NR2C1: variants seen among roughly 807,000 people sequenced by gnomAD.
NR2C1 encodes TR2 nuclear hormone receptor.
NR2C1 carries 33 observed loss-of-function variants against 74.8 expected under a neutral mutation model. That is an observed-to-expected ratio of 0.44 (90% CI 0.33 to 0.59). The LOEUF (loss-of-function observed/expected upper bound fraction) is 0.59, where lower values mean the gene tolerates loss of function less well. Among genes scored for constraint, NR2C1 ranks in the 20% least tolerant of loss-of-function variants. The probability of loss-of-function intolerance (pLI) is 0.02; values close to 1 mark genes in which losing one functional copy is unlikely to be tolerated. For missense variants in NR2C1, 568 were observed against 715.6 expected (o/e 0.79, Z 2.35); for synonymous variants, 225 against 240.6 (o/e 0.94, Z 0.60).
intron 11 of NR2C1, among the ~76,000 whole-genome samples, chr12:95,029,021 A>G (rs1869719703): frequency 2.0e-5 from 3 of 152,172 alleles, no homozygotes; most frequent in Admixed American, 6.5e-5. Flanking sequence ...TAATCTTAAG[A>G]TATTATTCAT....
At chr12:95,067,916 T>A (rs1025454201) in intron 1 of NR2C1, among the ~76,000 whole-genome samples, 7 of 141,040 alleles carry the variant, frequency 5.0e-5, no homozygotes, top group African/African-American at 1.8e-4. Flanking sequence ...AGTCTTGCTC[T>A]GTCACCCAGG....
At chr12:95,072,345 T>A (rs1876783681) in intron 1 of NR2C1, among the ~76,000 whole-genome samples, 1 of 148,964 alleles carries the variant, frequency 6.7e-6, no homozygotes, top group South Asian at 2.1e-4. Context: ...TCCCAGCTAC[T>A]CGGGAGGCTG....
intron 11 of NR2C1, among the ~76,000 whole-genome samples, chr12:95,029,085 A>G (rs1229541928): frequency 6.6e-6 from 1 of 152,140 alleles, no homozygotes; most frequent in African/African-American, 2.4e-5. Context: ...AGAAAGGTTT[A>G]TATTTATTTT....
chr12:95,027,502 C>T (rs1592722039), intron 12 of NR2C1, among the ~76,000 whole-genome samples: 2 of 151,986 alleles, frequency 1.3e-5, no homozygotes, highest in Admixed American at 6.6e-5. Flanking sequence ...TTTGGGAGGC[C>T]GAGGCGGGTA....
chr12:95,049,005 T>A (rs565629366), intron 9 of NR2C1, 63 bp downstream of exon 9: 1 of 1,436,516 alleles, frequency 7.0e-7, no homozygotes, highest in East Asian at 2.3e-5. Context: ...TACTTTGATT[T>A]TTGAAAGGTA....
At chr12:95,030,419 C>A in intron 11 of NR2C1, 1 of 1,305,978 alleles carries the variant, frequency 7.7e-7, no homozygotes. Flanking sequence ...TAAAGTTTTA[C>A]AATAAAGATT....
At chr12:95,040,836 CGAT>C (rs1309547210) in intron 9 of NR2C1, among the ~76,000 whole-genome samples, 3 of 152,124 alleles carry the variant, frequency 2.0e-5, no homozygotes, top group Non-Finnish European at 4.4e-5. Flanking sequence ...CAAATATCAA[CGAT>C]GATATTATCT....
At chr12:95,057,028 G>A (rs1463731518) in intron 7 of NR2C1, among the ~76,000 whole-genome samples, 2 of 150,930 alleles carry the variant, frequency 1.3e-5, no homozygotes, top group African/African-American at 4.9e-5. Flanking sequence ...TTCAAGATGA[G>A]GGAAGAGTAC....
chr12:95,068,967 G>GA (rs1258860364), intron 1 of NR2C1, among the ~76,000 whole-genome samples: 35 of 145,050 alleles, frequency 2.4e-4, no homozygotes, highest in African/African-American at 7.4e-4. Context: ...TGTCTCAAAA[G>GA]AAAAAAAAAG....
rs1383345030 is a variant in NR2C1, at chr12:95,073,597, C to T, written c.-225G>A. The T allele has an allele frequency of 6.6e-6, 1 of 152,288 alleles. No homozygotes were observed. The highest frequency in any genetic ancestry group is 2.4e-5 in the African/African-American group (1 of 41,474). 9.4% of individuals were successfully genotyped at this position (152,288 alleles called of 1,614,324 possible). A position where few individuals can be genotyped will look rare whatever the true frequency, so the allele number is the denominator to read the frequency against. ...CTCGGCTCGGCGGCGCGCTATCCCG[C>T]CAGCGCCTGCGCATTAGCAACGGGG... On this transcript the variant is annotated 5_prime_UTR_variant, in exon 1 of 14. The change creates a premature stop within an existing upstream ORF in the 5' untranslated region. Transcript: ENST00000333003.
At chr12:95,030,463 A>C (rs1869937321) in intron 11 of NR2C1, 5 of 1,476,780 alleles carry the variant, frequency 3.4e-6, no homozygotes, top group Non-Finnish European at 4.5e-6. Flanking sequence ...TTTAAAACCC[A>C]TCCATTAGTA....
In NR2C1 at chr12:95,049,067, C is replaced by T; in HGVS notation, c.1131+1G>A. The stretch of plus-strand genomic sequence containing the variant: ...AAGTTAAAAAAAACATATAGAAATA[C>T]CCTGAAAGCTACATGTGAATCGCTG... On this transcript the variant is annotated splice_donor_variant, in intron 9 of 13. Coordinates refer to ENST00000333003, the MANE Select transcript of NR2C1 (RefSeq NM_003297.4). LOFTEE classifies it high-confidence loss of function. 1 of 1,612,518 alleles carries T rather than the reference C, an allele frequency of 6.2e-7. No homozygotes were observed. The highest frequency in any genetic ancestry group is 1.7e-4 in the Middle Eastern group (1 of 6,048).
chr12:95,022,611 A>G (rs999078471), intron 13 of NR2C1, among the ~76,000 whole-genome samples: 2 of 152,206 alleles, frequency 1.3e-5, no homozygotes, highest in African/African-American at 4.8e-5. Flanking sequence ...CACAGGGGAA[A>G]GCCCTGCTCT....
intron 10 of NR2C1, among the ~76,000 whole-genome samples, chr12:95,032,595 T>C (rs1256110279): frequency 6.6e-6 from 1 of 152,158 alleles, no homozygotes; most frequent in African/African-American, 2.4e-5. Flanking sequence ...TTCCCAGGTC[T>C]CAGGTTGTCT....
At chr12:95,058,205 G>T in intron 5 of NR2C1, 105 bp downstream of exon 5, 2 of 1,048,538 alleles carry the variant, frequency 1.9e-6, no homozygotes, top group Non-Finnish European at 2.7e-6. Flanking sequence ...TTGGAAAACT[G>T]TAAACTAAAA....
At chr12:95,065,190 C>T (rs1875474457) in intron 2 of NR2C1, among the ~76,000 whole-genome samples, 1 of 150,948 alleles carries the variant, frequency 6.6e-6, no homozygotes, top group Non-Finnish European at 1.5e-5. Flanking sequence ...TTCCAAAGAG[C>T]TTTTTTTTTG....
At chr12:95,064,758 A>T (rs1310532868) in intron 2 of NR2C1, among the ~76,000 whole-genome samples, 1 of 152,224 alleles carries the variant, frequency 6.6e-6, no homozygotes, top group African/African-American at 2.4e-5. Context: ...AAATTCCTTG[A>T]TTCAATTTTA....
At chr12:95,047,443 T>TA (rs1270768381) in intron 9 of NR2C1, among the ~76,000 whole-genome samples, 5 of 152,348 alleles carry the variant, frequency 3.3e-5, no homozygotes, top group African/African-American at 1.2e-4. Flanking sequence ...GCTTCACTGA[T>TA]ATATTTTATT....
rs185433665 is a variant in NR2C1 at position 95,061,275 on chromosome 12, T to G, written c.285+1233A>C. 1.6e-3 allele frequency among the ~76,000 whole-genome samples: 239 copies of G among 152,264 alleles called. 1 individual carries two copies. Among genetic ancestry groups the G allele is most frequent in the African/African-American group, 5.2e-3 (218 of 41,556 alleles). ...ACAAACAAAGCCATTAGGCAAAAAC[T>G]AAGGAAAGTCTAAACACCTATAAAC... On this transcript the variant is annotated intron_variant, in intron 3 of 13. Coordinates refer to ENST00000333003, the MANE Select transcript of NR2C1 (RefSeq NM_003297.4).
Sources: allele counts gnomAD v4.1 joint callset (sites outside exome capture counted in the v4.1 genomes callset), GRCh38; gene constraint gnomAD v4.1.1; transcripts MANE v1.5; gene names NCBI Gene and HGNC (gene_info 2026-07-23, HGNC 2026-07-21).